The following DMD variants were observed in gnomAD, a reference collection of about 807,000 sequenced individuals.
DMD encodes mutant dystrophin.
Under a neutral mutation model 330.1 loss-of-function variants are expected in DMD, and 63 were observed. The observed-to-expected ratio is 0.19, with a 90% CI of 0.16 to 0.24. The LOEUF (loss-of-function observed/expected upper bound fraction) is 0.24, where lower values mean the gene tolerates loss of function less well. Ranked by LOEUF, DMD falls within the 10% of genes least tolerant of loss-of-function variation. The pLI is 1.00. For missense variants in DMD, 3,344 were observed against 2,684.1 expected (o/e 1.25, Z -5.43); for synonymous variants, 1,223 against 959.8 (o/e 1.27, Z -5.07).
intron 2 of DMD, among the ~76,000 whole-genome samples, chrX:32,994,750 T>C (rs925927287): frequency 3.6e-5 from 4 of 112,076 alleles, no homozygotes; most frequent in Non-Finnish European, 7.5e-5. Flanking sequence ...CTTGATTGAA[T>C]GTTTCTGTAA....
At chrX:32,462,051 G>A (rs1371469206) in intron 25 of DMD, among the ~76,000 whole-genome samples, 2 of 110,122 alleles carry the variant, frequency 1.8e-5, no homozygotes, top group African/African-American at 3.3e-5. Context: ...AGTAACCAAA[G>A]ACCAACTGCC....
chrX:32,004,668 G>A (rs977061309), intron 44 of DMD, among the ~76,000 whole-genome samples: 6 of 111,259 alleles, frequency 5.4e-5, no homozygotes, highest in African/African-American at 2.0e-4. Flanking sequence ...ACTTGTGTTA[G>A]GCAAGTGACA....
chrX:32,176,676 T>C (rs1277673774), intron 44 of DMD, among the ~76,000 whole-genome samples: 1 of 111,045 alleles, frequency 9.0e-6, no homozygotes, highest in South Asian at 3.8e-4. Flanking sequence ...CAAATGCTTG[T>C]CACAAGTGAC....
intron 9 of DMD, among the ~76,000 whole-genome samples, chrX:32,666,245 T>A (rs1475965678): frequency 9.0e-6 from 1 of 110,857 alleles, no homozygotes; most frequent in Non-Finnish European, 1.9e-5. Context: ...AACGTGCAGG[T>A]TTGTTACATA....
At chrX:32,795,217 G>T (rs369074265) in intron 7 of DMD, among the ~76,000 whole-genome samples, 3 of 112,003 alleles carry the variant, frequency 2.7e-5, no homozygotes, top group Non-Finnish European at 5.6e-5. Context: ...AAAGAACAAA[G>T]ACTTATGAAT....
chrX:31,466,927 T>C (rs748974354), intron 59 of DMD, among the ~76,000 whole-genome samples: 1 of 111,801 alleles, frequency 8.9e-6, no homozygotes, highest in South Asian at 3.8e-4. Flanking sequence ...TTTGAAGCAA[T>C]TGTGAATGGG....
At chrX:32,214,224 T>TAAA (rs200083093) in intron 44 of DMD, among the ~76,000 whole-genome samples, 2 of 89,003 alleles carry the variant, frequency 2.2e-5, no homozygotes, top group Non-Finnish European at 4.3e-5. Flanking sequence ...CTGAAACACT[T>TAAA]AAAAAAAAAA....
At chrX:32,405,728 G>A (rs909975338) in intron 30 of DMD, among the ~76,000 whole-genome samples, 10 of 111,253 alleles carry the variant, frequency 9.0e-5, no homozygotes, top group Non-Finnish European at 1.3e-4. Context: ...TTGACTTGGC[G>A]ATGCAGGCTC....
intron 1 of DMD, among the ~76,000 whole-genome samples, chrX:33,319,662 T>C (rs963614603): frequency 1.8e-5 from 2 of 112,251 alleles, no homozygotes; most frequent in African/African-American, 6.5e-5. Flanking sequence ...ATCATCGTCA[T>C]AGACAGATGT....
chrX:32,726,706 AT>A (rs1229240348), intron 7 of DMD, among the ~76,000 whole-genome samples: 10 of 111,046 alleles, frequency 9.0e-5, no homozygotes, highest in African/African-American at 3.3e-4. Flanking sequence ...TTTTTTTATT[AT>A]TTATGACTGA....
intron 51 of DMD, among the ~76,000 whole-genome samples, chrX:31,740,284 T>C (rs2087220830): frequency 8.9e-6 from 1 of 112,474 alleles, no homozygotes; most frequent in South Asian, 3.6e-4. Flanking sequence ...TGAAACTCTA[T>C]TGTTCTATAA....
intron 62 of DMD, among the ~76,000 whole-genome samples, chrX:31,275,907 T>G (rs2052072601): frequency 8.9e-6 from 1 of 112,343 alleles, no homozygotes; most frequent in Non-Finnish European, 1.9e-5. Flanking sequence ...GTATATACTA[T>G]GTACATATTT....
chrX:32,429,354 C>T (rs1474141929), intron 29 of DMD, among the ~76,000 whole-genome samples: 2 of 96,174 alleles, frequency 2.1e-5, no homozygotes, highest in Admixed American at 1.2e-4. Flanking sequence ...GGATTATAGG[C>T]ACCCACCACC....
Position 32,165,743 on chromosome X carries a change from A to G in DMD, c.6438+51173T>C, listed in dbSNP as rs755017752. ...GGCTTTGTGTCCCCACCCAAATCTC[A>G]TCTTGAATTGTAATCCTTATAATCC... On this transcript the variant is annotated intron_variant, in intron 44 of 78. Transcript: ENST00000357033. Among the ~76,000 whole-genome samples, 7 of 111,823 alleles carry G rather than the reference A, an allele frequency of 6.3e-5. No individual in the cohort carries two copies. The East Asian group carries it at 2.0e-3, about 32-fold the overall frequency.
intron 23 of DMD, among the ~76,000 whole-genome samples, chrX:32,467,629 C>A (rs1245048625): frequency 2.8e-5 from 2 of 71,461 alleles, no homozygotes; most frequent in Non-Finnish European, 5.7e-5. Flanking sequence ...TTCCATTATA[C>A]ACGTATATAT....
chrX:32,562,209 C>T (rs945251318), intron 16 of DMD, among the ~76,000 whole-genome samples: 3 of 111,949 alleles, frequency 2.7e-5, no homozygotes, highest in Non-Finnish European at 5.6e-5. Context: ...TATTATCTCT[C>T]CAACATTTAG....
At chrX:32,616,467 C>T (rs1189272945) in intron 11 of DMD, among the ~76,000 whole-genome samples, 1 of 110,787 alleles carries the variant, frequency 9.0e-6, no homozygotes, top group Non-Finnish European at 1.9e-5. Flanking sequence ...AAATCCAATA[C>T]TAGTTTTTGC....
chrX:32,558,448 A>G (rs2050575217), intron 16 of DMD, among the ~76,000 whole-genome samples: 1 of 111,935 alleles, frequency 8.9e-6, no homozygotes, highest in African/African-American at 3.2e-5. Flanking sequence ...AGGAGATAAT[A>G]GGCGTATCAT....
chrX:32,780,015 G>T (rs1472063639), intron 7 of DMD, among the ~76,000 whole-genome samples: 1 of 111,332 alleles, frequency 9.0e-6, no homozygotes, highest in Non-Finnish European at 1.9e-5. Flanking sequence ...ATACAAGCCT[G>T]ATATAAATTT....
Sources: allele counts gnomAD v4.1 joint callset (sites outside exome capture counted in the v4.1 genomes callset), GRCh38; gene constraint gnomAD v4.1.1; transcripts MANE v1.5; gene names NCBI Gene and HGNC (gene_info 2026-07-23, HGNC 2026-07-21).